The following CACNB2 variants were observed in gnomAD, a reference collection of about 807,000 sequenced individuals.
CACNB2 encodes voltage-dependent L-type calcium channel subunit beta-2.
In CACNB2, 42 loss-of-function variants were observed where a neutral mutation model predicts 73.3. The observed-to-expected ratio is 0.57, with a 90% CI of 0.45 to 0.74. The LOEUF is 0.74. Among genes scored for constraint, CACNB2 ranks in the 30% least tolerant of loss-of-function variants. The pLI, the probability that CACNB2 is intolerant of heterozygous loss-of-function variation, is 0.00. For synonymous variants in CACNB2, 348 were observed against 310.3 expected (o/e 1.12, Z -1.28); for missense variants, 940 against 853.0 (o/e 1.10, Z -1.27).
At chr10:18,453,165 C>T (rs2047095713) in intron 3 of CACNB2, among the ~76,000 whole-genome samples, 1 of 152,114 alleles carries the variant, frequency 6.6e-6, no homozygotes, top group Non-Finnish European at 1.5e-5. Flanking sequence ...CCTGTCTCCT[C>T]CTCTCTCTCT....
At chr10:18,465,665 A>G (rs985293747) in intron 3 of CACNB2, among the ~76,000 whole-genome samples, 2 of 149,520 alleles carry the variant, frequency 1.3e-5, no homozygotes, top group Admixed American at 6.7e-5. Context: ...AAAGATAAGT[A>G]CGTCATCCAA....
chr10:18,142,067 T>C (rs866500994), intron 1 of CACNB2, among the ~76,000 whole-genome samples: 1 of 152,184 alleles, frequency 6.6e-6, no homozygotes, highest in African/African-American at 2.4e-5. Context: ...TGGCAAATGT[T>C]TTCTTGCTGT....
intron 2 of CACNB2, chr10:18,401,105 G>A: frequency 6.2e-7 from 1 of 1,614,224 alleles, no homozygotes; most frequent in South Asian, 1.1e-5. Context: ...ATCTGTGTAA[G>A]CGCAAGGGCT....
rs2053587888 is a variant in CACNB2 at position 18,536,275 on chromosome 10, G to GTTTTTTTTTTTTTTTTTTTTTTTTTTT, written c.1302+79_1302+80insTTTTTTTTTTTTTTTTTTTTTTTTTTT. On this transcript the variant is annotated intron_variant, in intron 12 of 13. Coordinates refer to ENST00000324631, the MANE Select transcript of CACNB2 (RefSeq NM_201596.3). Reference sequence around the variant, plus strand: ...TTTTTTTTTTTTTTTTTTTTTTTTGGGGGACAAGGTCTTGCTCTGTTGCCC... The same window carrying GTTTTTTTTTTTTTTTTTTTTTTTTTTT: ...TTTTTTTTTTTTTTTTTTTTTTTTGGTTTTTTTTTTTTTTTTTTTTTTTTTTTGGGACAAGGTCTTGCTCTGTTGCCC... 58 of 92,508 alleles carry GTTTTTTTTTTTTTTTTTTTTTTTTTTT rather than the reference G, an allele frequency of 6.3e-4. 14 individuals are homozygous for GTTTTTTTTTTTTTTTTTTTTTTTTTTT. The highest frequency in any genetic ancestry group is 1.7e-3 in the African/African-American group (17 of 10,158). 5.7% of individuals were successfully genotyped at this position (92,508 alleles called of 1,614,324 possible). A position where few individuals can be genotyped will look rare whatever the true frequency, so the allele number is the denominator to read the frequency against.
At chr10:18,175,362 T>C (rs1041576315) in intron 2 of CACNB2, among the ~76,000 whole-genome samples, 3 of 152,188 alleles carry the variant, frequency 2.0e-5, no homozygotes, top group Non-Finnish European at 2.9e-5. Context: ...GCCACCTTTT[T>C]GCTACTAGTT....
At chr10:18,196,693 T>C (rs186262339) in intron 2 of CACNB2, among the ~76,000 whole-genome samples, 35 of 152,282 alleles carry the variant, frequency 2.3e-4, no homozygotes, top group African/African-American at 8.2e-4. Flanking sequence ...CATCTATTCA[T>C]TTCACTGGTG....
chr10:18,180,987 CAAAA>C (rs1197120360), intron 2 of CACNB2, among the ~76,000 whole-genome samples: 4 of 131,808 alleles, frequency 3.0e-5, no homozygotes, highest in Non-Finnish European at 6.4e-5. Flanking sequence ...CAAAACAAAA[CAAAA>C]AAAGAAATAT....
intron 2 of CACNB2, among the ~76,000 whole-genome samples, chr10:18,218,985 G>T (rs1329134130): frequency 6.6e-6 from 1 of 152,170 alleles, no homozygotes; most frequent in Non-Finnish European, 1.5e-5. Flanking sequence ...GCAACATGGA[G>T]AAACCCTGTC....
chr10:18,535,975 A>G, intron 11 of CACNB2, 126 bp from the exon 12 acceptor site: 1 of 648,534 alleles, frequency 1.5e-6, no homozygotes. Context: ...ATAATCTTAT[A>G]GCTCCATCTA....
chr10:18,395,202 T>G (rs571278258), intron 2 of CACNB2, among the ~76,000 whole-genome samples: 4 of 152,310 alleles, frequency 2.6e-5, no homozygotes, highest in African/African-American at 9.6e-5. Flanking sequence ...TCTTTTCAAT[T>G]CCTCAGACAT....
At chr10:18,258,822 C>T (rs1019273313) in intron 2 of CACNB2, among the ~76,000 whole-genome samples, 1 of 151,044 alleles carries the variant, frequency 6.6e-6, no homozygotes, top group Non-Finnish European at 1.5e-5. Flanking sequence ...ACTGAAGTTT[C>T]TTTAAAAAAT....
chr10:18,504,313 T>C (rs916214139), intron 5 of CACNB2, among the ~76,000 whole-genome samples: 1 of 152,226 alleles, frequency 6.6e-6, no homozygotes, highest in African/African-American at 2.4e-5. Flanking sequence ...CTCCACGCTG[T>C]ACAGACTTCC....
At chr10:18,338,644 T>C (rs1298338497) in intron 2 of CACNB2, among the ~76,000 whole-genome samples, 1 of 129,600 alleles carries the variant, frequency 7.7e-6, no homozygotes, top group Non-Finnish European at 1.6e-5. Flanking sequence ...TCCTTCCTTC[T>C]TTCTTTCTCT....
At chr10:18,494,325 C>CT (rs2049640428) in intron 3 of CACNB2, among the ~76,000 whole-genome samples, 1 of 152,032 alleles carries the variant, frequency 6.6e-6, no homozygotes, top group African/African-American at 2.4e-5. Flanking sequence ...TCTGTATCTT[C>CT]CAAGGAATAA....
intron 2 of CACNB2, among the ~76,000 whole-genome samples, chr10:18,322,961 T>G (rs2040449906): frequency 7.7e-6 from 1 of 130,312 alleles, no homozygotes; most frequent in Non-Finnish European, 1.7e-5. Context: ...GTGATATTCT[T>G]TTTTTTTTTT....
At chr10:18,301,705 G>A (rs887622116) in intron 2 of CACNB2, among the ~76,000 whole-genome samples, 14 of 150,802 alleles carry the variant, frequency 9.3e-5, no homozygotes, top group Admixed American at 6.6e-4. Flanking sequence ...CTGGAGTGCA[G>A]TGGCACAATC....
In CACNB2 at chr10:18,279,963, C is replaced by T. The variant is rs893053640; in HGVS notation, c.214-121961C>T. ...GCATGGTGGCATGTGCCTGTAATCC[C>T]AGCCACCTGGGAGGCTGAGGCAAGA... On this transcript the variant is annotated intron_variant, in intron 2 of 13. Coordinates refer to ENST00000324631, the MANE Select transcript of CACNB2 (RefSeq NM_201596.3). Among the ~76,000 whole-genome samples the T allele has an allele frequency of 9.9e-5, 15 of 152,278 alleles. 1 individual carries two copies. Among genetic ancestry groups the T allele is most frequent in the African/African-American group, 3.6e-4 (15 of 41,556 alleles).
intron 7 of CACNB2, 34 bp from the exon 8 acceptor site, chr10:18,518,302 G>C: frequency 1.4e-6 from 2 of 1,437,022 alleles, no homozygotes; most frequent in Non-Finnish European, 2.0e-6. Flanking sequence ...CTACCTGCCT[G>C]TGAAACGTCT....
intron 3 of CACNB2, 119 bp downstream of exon 3, chr10:18,402,162 T>A: frequency 1.7e-6 from 2 of 1,173,358 alleles, no homozygotes. Context: ...TTGTCTGGTT[T>A]TAGAAAGGTA....
Sources: gnomAD v4.1 joint callset for allele counts (sites outside exome capture counted in the v4.1 genomes callset) on GRCh38, gnomAD v4.1.1 for gene constraint, MANE v1.5 for transcripts, NCBI Gene and HGNC (gene_info 2026-07-23, HGNC 2026-07-21) for gene names.